Variants in PDS5B observed in about 807,000 individuals in gnomAD.
PDS5B encodes sister chromatid cohesion protein PDS5 homolog B.
A neutral mutation model predicts 184.1 loss-of-function variants in PDS5B; 51 were observed. The observed-to-expected ratio is 0.28, with a 90% CI of 0.22 to 0.35. The LOEUF is 0.35. PDS5B is among the 10% of genes least tolerant of loss of function. The pLI, the probability that PDS5B is intolerant of heterozygous loss-of-function variation, is 1.00. For synonymous variants in PDS5B, 566 were observed against 569.2 expected (o/e 0.99, Z 0.08); for missense variants, 1,180 against 1,723.3 (o/e 0.68, Z 5.58).
At chr13:32,596,831 G>A (rs1053983450) in intron 1 of PDS5B, among the ~76,000 whole-genome samples, 3 of 151,946 alleles carry the variant, frequency 2.0e-5, no homozygotes, top group South Asian at 2.1e-4. Flanking sequence ...TTAAAAAATG[G>A]ATTATCTTTT....
intron 19 of PDS5B, among the ~76,000 whole-genome samples, chr13:32,717,920 C>T (rs566769000): frequency 0.026 from 757 of 29,398 alleles, 5 homozygotes; most frequent in African/African-American, 0.09. Context: ...CAAAAAAAAA[C>T]GCTAAGACAA....
intron 1 of PDS5B, among the ~76,000 whole-genome samples, chr13:32,634,727 C>T (rs375736679): frequency 2.0e-5 from 3 of 151,462 alleles, no homozygotes; most frequent in African/African-American, 7.3e-5. Context: ...GGGATTACAG[C>T]GCCTGCCACT....
rs1566329609 is a variant in PDS5B at position 32,688,500 on chromosome 13, A to G, written c.1400A>G (p.Asn467Ser). 2 of 1,609,872 alleles carry G rather than the reference A, an allele frequency of 1.2e-6. No homozygotes were observed. Among genetic ancestry groups the G allele is most frequent in the East Asian group, 2.2e-5 (1 of 44,744 alleles). Residue 467 changes from asparagine to serine, a missense_variant, in exon 13 of 35, where the codon AAT becomes AGT. Coordinates refer to ENST00000315596, the MANE Select transcript of PDS5B (RefSeq NM_015032.4). The stretch of plus-strand genomic sequence containing the variant: ...TTTGCTCAATACATGGTTCCTCACA[A>G]TTTAGAAACTACAGAACGGATGAAA... ...RIFAQYMVPH[N>S]LETTERMKCL...
intron 22 of PDS5B, 144 bp downstream of exon 22, chr13:32,741,292 G>A: frequency 1.9e-6 from 1 of 518,592 alleles, no homozygotes; most frequent in Non-Finnish European, 3.5e-6. Context: ...TGTGCTGTGA[G>A]ACTATAGGGT....
intron 18 of PDS5B, among the ~76,000 whole-genome samples, chr13:32,709,199 T>A (rs1362604938): frequency 6.6e-6 from 1 of 152,058 alleles, no homozygotes; most frequent in Non-Finnish European, 1.5e-5. Context: ...TTTGATTCCT[T>A]TTGTTTATTT....
At chr13:32,607,121 G>C (rs1436265616) in intron 1 of PDS5B, among the ~76,000 whole-genome samples, 1 of 152,228 alleles carries the variant, frequency 6.6e-6, no homozygotes, top group Non-Finnish European at 1.5e-5. Context: ...TGTTCCTTTG[G>C]AGGAGAAGAG....
intron 1 of PDS5B, among the ~76,000 whole-genome samples, chr13:32,636,140 C>A (rs552299366): frequency 1.3e-5 from 2 of 152,156 alleles, no homozygotes; most frequent in Non-Finnish European, 2.9e-5. Flanking sequence ...AAAACTTGAC[C>A]TCTTGTCATT....
At chr13:32,772,433 A>G (rs1309165353) in intron 33 of PDS5B, among the ~76,000 whole-genome samples, 1 of 152,206 alleles carries the variant, frequency 6.6e-6, no homozygotes, top group Non-Finnish European at 1.5e-5. Flanking sequence ...TTTAAAAGTA[A>G]CAATGAGTTG....
chr13:32,651,355 T>G (rs1458462800), intron 2 of PDS5B, among the ~76,000 whole-genome samples: 1 of 152,208 alleles, frequency 6.6e-6, no homozygotes, highest in African/African-American at 2.4e-5. Context: ...GTTTAATGAC[T>G]TAAATGGAAA....
At chr13:32,645,861 A>G (rs1401983211) in intron 1 of PDS5B, among the ~76,000 whole-genome samples, 2 of 152,156 alleles carry the variant, frequency 1.3e-5, no homozygotes, top group Non-Finnish European at 2.9e-5. Context: ...TTGTCTCCCA[A>G]AACATCACTG....
chr13:32,611,171 A>T (rs2058135794), intron 1 of PDS5B, among the ~76,000 whole-genome samples: 1 of 152,168 alleles, frequency 6.6e-6, no homozygotes, highest in African/African-American at 2.4e-5. Context: ...TTTTCTGCAT[A>T]GTCATTCATT....
At chr13:32,754,209 G>T (rs1161750142) in intron 25 of PDS5B, among the ~76,000 whole-genome samples, 6 of 152,032 alleles carry the variant, frequency 3.9e-5, no homozygotes, top group African/African-American at 1.4e-4. Context: ...CTGACCCACT[G>T]CCTGCTGTAT....
chr13:32,634,369 T>C (rs1660200791), intron 1 of PDS5B, among the ~76,000 whole-genome samples: 1 of 146,986 alleles, frequency 6.8e-6, no homozygotes, highest in African/African-American at 2.5e-5. Context: ...TGATTCACTT[T>C]TGTTTCAGTA....
intron 1 of PDS5B, among the ~76,000 whole-genome samples, chr13:32,589,574 A>G (rs556993612): frequency 6.6e-6 from 1 of 152,234 alleles, no homozygotes. Flanking sequence ...GTAATTTGGG[A>G]AAGTTAGTAT....
intron 13 of PDS5B, among the ~76,000 whole-genome samples, chr13:32,693,776 A>G (rs1003393149): frequency 6.6e-6 from 1 of 151,538 alleles, no homozygotes; most frequent in African/African-American, 2.4e-5. Context: ...GAACAATACA[A>G]CTATTAAGAG....
intron 1 of PDS5B, among the ~76,000 whole-genome samples, chr13:32,588,061 C>T (rs937418112): frequency 1.3e-5 from 2 of 152,270 alleles, no homozygotes; most frequent in East Asian, 3.9e-4. Flanking sequence ...TATATTAACT[C>T]ATGTAGTGGT....
chr13:32,680,225 G>A (rs1046588925), intron 10 of PDS5B, among the ~76,000 whole-genome samples: 2 of 152,104 alleles, frequency 1.3e-5, no homozygotes, highest in African/African-American at 4.8e-5. Context: ...CTGAGTATAT[G>A]CTTTCCTCAA....
At chr13:32,694,195 T>C (rs770176531) in intron 13 of PDS5B, 28 bp from the exon 14 acceptor site, 3 of 1,448,092 alleles carry the variant, frequency 2.1e-6, no homozygotes, top group South Asian at 1.2e-5. Context: ...TGTTTTGTTA[T>C]TTAAATGTGT....
intron 18 of PDS5B, 61 bp downstream of exon 18, chr13:32,707,100 A>C: frequency 1.1e-6 from 1 of 873,078 alleles, no homozygotes; most frequent in Non-Finnish European, 1.8e-6. Flanking sequence ...TACAGTTTAT[A>C]TTATTTGTTC....
Sources: gnomAD v4.1 joint callset for allele counts (sites outside exome capture counted in the v4.1 genomes callset) on GRCh38, gnomAD v4.1.1 for gene constraint, MANE v1.5 for transcripts, NCBI Gene and HGNC (gene_info 2026-07-23, HGNC 2026-07-21) for gene names.